Variants in LGSN observed in about 807,000 individuals in gnomAD.
The protein encoded by LGSN is lengsin.
A neutral mutation model predicts 19.5 loss-of-function variants in LGSN; 21 were observed. The ratio of observed to expected loss-of-function variants is 1.07; its 90% CI spans 0.76 to 1.55. The LOEUF is 1.55. LGSN is among the 40% of genes most tolerant of loss of function. The probability of loss-of-function intolerance (pLI) is 0.00; values close to 1 mark genes in which losing one functional copy is unlikely to be tolerated. For synonymous variants in LGSN, 257 were observed against 215.6 expected (o/e 1.19, Z -1.68); for missense variants, 673 against 608.5 (o/e 1.11, Z -1.12).
chr6:63,397,694 T>C, the LGSN span, among the ~76,000 whole-genome samples: 1 of 152,118 alleles, frequency 6.6e-6, no homozygotes, highest in African/African-American at 2.4e-5. Context: ...GGAGGCTGGA[T>C]CACTTGAGGT....
chr6:63,321,483 T>G (rs368924503), upstream of LGSN, among the ~76,000 whole-genome samples: 16 of 152,326 alleles, frequency 1.1e-4, no homozygotes, highest in East Asian at 1.4e-3. Flanking sequence ...TTATTGTTAT[T>G]GAATATGCAA....
At chr6:63,378,266 G>T in the LGSN span, among the ~76,000 whole-genome samples, 3 of 151,992 alleles carry the variant, frequency 2.0e-5, no homozygotes, top group Admixed American at 2.0e-4. Flanking sequence ...ACCACAGCAG[G>T]GGAACAGACA....
chr6:63,402,867 G>A, the LGSN span, among the ~76,000 whole-genome samples: 2 of 151,786 alleles, frequency 1.3e-5, no homozygotes, highest in African/African-American at 4.8e-5. Context: ...ATATGGTTGG[G>A]GCTCATCCAG....
chr6:63,412,570 G>GAAAAGAAAGAAAAAGAAA, the LGSN span, among the ~76,000 whole-genome samples: 18 of 111,366 alleles, frequency 1.6e-4, no homozygotes, highest in African/African-American at 8.4e-4. Context: ...AAGAAAGAAA[G>GAAAAGAAAGAAAAAGAAA]GAAGGAAGGA....
the LGSN span, among the ~76,000 whole-genome samples, chr6:63,331,200 G>T: frequency 2.0e-5 from 3 of 152,212 alleles, no homozygotes; most frequent in African/African-American, 4.8e-5. Flanking sequence ...GGTGTAAGCT[G>T]AGAGGTCCTC....
At chr6:63,412,529 G>GGAAAGAAAGAAAGAAAGAAA in the LGSN span, among the ~76,000 whole-genome samples, 131 of 32,392 alleles carry the variant, frequency 4.0e-3, 3 homozygotes, top group East Asian at 9.2e-3. Context: ...AAAGAAAGAA[G>GGAAAGAAAGAAAGAAAGAAA]GAAAGAAAGA....
the LGSN span, among the ~76,000 whole-genome samples, chr6:63,352,158 G>T: frequency 6.6e-6 from 1 of 151,084 alleles, no homozygotes; most frequent in Non-Finnish European, 1.5e-5. Context: ...CAAACAGTAG[G>T]TGGCAACATC....
the LGSN span, among the ~76,000 whole-genome samples, chr6:63,555,692 CTTTTTTTTT>C: frequency 7.4e-6 from 1 of 135,010 alleles, no homozygotes; most frequent in African/African-American, 2.8e-5. Context: ...CAATTACACT[CTTTTTTTTT>C]TTTTTTTTTT....
At chr6:63,286,153 A>G (rs935460219) in intron 2 of LGSN, among the ~76,000 whole-genome samples, 1 of 152,224 alleles carries the variant, frequency 6.6e-6, no homozygotes, top group Non-Finnish European at 1.5e-5. Context: ...TTCTTGAACT[A>G]ACTGTTAATT....
chr6:63,503,697 T>C, the LGSN span, among the ~76,000 whole-genome samples: 1 of 152,148 alleles, frequency 6.6e-6, no homozygotes, highest in Non-Finnish European at 1.5e-5. Context: ...GGTGGATTGC[T>C]TGAGCCCAGG....
chr6:63,464,527 GAA>G, the LGSN span, among the ~76,000 whole-genome samples: 1 of 145,896 alleles, frequency 6.9e-6, no homozygotes, highest in African/African-American at 2.5e-5. Context: ...ATCTAGTATG[GAA>G]AAAATATATA....
the LGSN span, among the ~76,000 whole-genome samples, chr6:63,365,187 T>C: frequency 3.3e-5 from 5 of 151,860 alleles, no homozygotes; most frequent in South Asian, 1.0e-3. Context: ...GACAGACCAC[T>C]AGCAAGACTA....
the LGSN span, among the ~76,000 whole-genome samples, chr6:63,560,061 A>G: frequency 2.6e-5 from 4 of 152,234 alleles, no homozygotes; most frequent in Non-Finnish European, 4.4e-5. Context: ...TTCATAACAT[A>G]TCTAACCAAT....
the LGSN span, among the ~76,000 whole-genome samples, chr6:63,325,073 C>A: frequency 7.4e-6 from 1 of 134,436 alleles, no homozygotes; most frequent in African/African-American, 2.7e-5. Flanking sequence ...CACTGCACTC[C>A]AGCCTAGAAG....
the LGSN span, among the ~76,000 whole-genome samples, chr6:63,409,529 C>T: frequency 6.6e-6 from 1 of 152,078 alleles, no homozygotes; most frequent in African/African-American, 2.4e-5. Context: ...TCCTTAAATA[C>T]CAGATTTGGG....
chr6:63,410,816 CAG>C, the LGSN span, among the ~76,000 whole-genome samples: 3 of 152,100 alleles, frequency 2.0e-5, no homozygotes, highest in African/African-American at 7.2e-5. Context: ...TTGAGTAGCA[CAG>C]AAAAAGCTCA....
chr6:63,517,560 G>A, the LGSN span, among the ~76,000 whole-genome samples: 2 of 151,956 alleles, frequency 1.3e-5, no homozygotes, highest in East Asian at 3.9e-4. Context: ...ATGAACAAAA[G>A]AAACAATTTT....
the LGSN span, among the ~76,000 whole-genome samples, chr6:63,507,956 T>C: frequency 2.0e-5 from 3 of 152,292 alleles, no homozygotes; most frequent in South Asian, 2.1e-4. Flanking sequence ...AAAAAGCAAC[T>C]TGGGTCTCTC....
chr6:63,445,009 A>G, the LGSN span, among the ~76,000 whole-genome samples: 1 of 152,098 alleles, frequency 6.6e-6, no homozygotes, highest in South Asian at 2.1e-4. Context: ...CAGGGCAGAC[A>G]CTCTTGTATA....
Sources: allele counts gnomAD v4.1 joint callset (sites outside exome capture counted in the v4.1 genomes callset), GRCh38; gene constraint gnomAD v4.1.1; transcripts MANE v1.5; gene names NCBI Gene and HGNC (gene_info 2026-07-23, HGNC 2026-07-21).